CACNB2: variants seen among roughly 807,000 people sequenced by gnomAD.
CACNB2 encodes the protein voltage-dependent L-type calcium channel subunit beta-2.
Under a neutral mutation model 73.3 loss-of-function variants are expected in CACNB2, and 42 were observed. The observed-to-expected ratio is 0.57, with a 90% CI of 0.45 to 0.74. CACNB2 has a LOEUF of 0.74. CACNB2 is among the 30% of genes least tolerant of loss of function. The pLI, the probability that CACNB2 is intolerant of heterozygous loss-of-function variation, is 0.00. For synonymous variants in CACNB2, 348 were observed against 310.3 expected (o/e 1.12, Z -1.28); for missense variants, 940 against 853.0 (o/e 1.10, Z -1.27).
intron 3 of CACNB2, among the ~76,000 whole-genome samples, chr10:18,436,941 A>G (rs557223307): frequency 1.3e-5 from 2 of 152,376 alleles, no homozygotes; most frequent in South Asian, 4.1e-4. Context: ...TGCAAGAAGT[A>G]CATTTTCCAT....
chr10:18,400,111 T>G (rs2132519764), intron 2 of CACNB2, among the ~76,000 whole-genome samples: 1 of 152,374 alleles, frequency 6.6e-6, no homozygotes, highest in East Asian at 1.9e-4. Context: ...CTCAACGCTT[T>G]ATAAAGCGGT....
intron 9 of CACNB2, among the ~76,000 whole-genome samples, chr10:18,522,826 C>T (rs1329013435): frequency 7.6e-6 from 1 of 131,686 alleles, no homozygotes; most frequent in African/African-American, 3.0e-5. Context: ...TGCAGTGAGC[C>T]GAGATCGTGC....
chr10:18,191,827 T>C (rs1249479102), intron 2 of CACNB2, among the ~76,000 whole-genome samples: 1 of 152,238 alleles, frequency 6.6e-6, no homozygotes, highest in Non-Finnish European at 1.5e-5. Flanking sequence ...AGTTTTTTTA[T>C]GCACTCATTG....
chr10:18,465,822 C>T (rs1441088958), intron 3 of CACNB2, among the ~76,000 whole-genome samples: 2 of 151,948 alleles, frequency 1.3e-5, no homozygotes, highest in Non-Finnish European at 2.9e-5. Context: ...GCTGGGATTA[C>T]AGCATCCACC....
chr10:18,518,076 C>G lies in CACNB2; in HGVS notation c.805-260C>G, dbSNP rs577194354. Among the ~76,000 whole-genome samples, 11 of 152,292 alleles carry G rather than the reference C, an allele frequency of 7.2e-5. No homozygotes were observed. In the East Asian group the frequency reaches 1.9e-3, roughly 27 times the overall value. On this transcript the variant is annotated intron_variant, in intron 7 of 13. Transcript: ENST00000324631. ...ACTAGTTTTTGTTCAAAAGCAGCAT[C>G]TCTTGCTTTAGGAACGAATAGGTCT...
intron 2 of CACNB2, among the ~76,000 whole-genome samples, chr10:18,382,692 A>G (rs1357127952): frequency 6.6e-6 from 1 of 152,170 alleles, no homozygotes; most frequent in African/African-American, 2.4e-5. Flanking sequence ...TTCTAGCTCC[A>G]TCCATGTCCC....
intron 2 of CACNB2, among the ~76,000 whole-genome samples, chr10:18,170,189 C>T (rs2033131098): frequency 6.6e-6 from 1 of 152,206 alleles, no homozygotes. Context: ...CAACTCCACA[C>T]AAGGCTAAGA....
chr10:18,466,294 G>A, intron 3 of CACNB2, among the ~76,000 whole-genome samples: 1 of 152,142 alleles, frequency 6.6e-6, no homozygotes, highest in Non-Finnish European at 1.5e-5. Flanking sequence ...AGAGTGCAGT[G>A]ACATGATCAT....
intron 3 of CACNB2, among the ~76,000 whole-genome samples, chr10:18,462,108 C>A (rs765094196): frequency 3.3e-5 from 5 of 152,168 alleles, no homozygotes; most frequent in Admixed American, 6.5e-5. Flanking sequence ...AGATTCCCAG[C>A]AGTCTTGATT....
At chr10:18,219,772 ATTT>A (rs55812855) in intron 2 of CACNB2, among the ~76,000 whole-genome samples, 47 of 137,518 alleles carry the variant, frequency 3.4e-4, no homozygotes, top group African/African-American at 8.3e-4. Context: ...CAAATCTTTC[ATTT>A]TTTTTTTTTT....
At chr10:18,273,119 T>C (rs2038127364) in intron 2 of CACNB2, among the ~76,000 whole-genome samples, 1 of 152,194 alleles carries the variant, frequency 6.6e-6, no homozygotes, top group Admixed American at 6.5e-5. Flanking sequence ...TCTGAGAATT[T>C]CAGTATTGGG....
At chr10:18,242,442 T>C (rs2036693417) in intron 2 of CACNB2, among the ~76,000 whole-genome samples, 1 of 152,220 alleles carries the variant, frequency 6.6e-6, no homozygotes, top group South Asian at 2.1e-4. Context: ...AAGGTCTTTC[T>C]TAGTTTTGAT....
chr10:18,439,326 C>G (rs1298712389), intron 3 of CACNB2, among the ~76,000 whole-genome samples: 3 of 152,204 alleles, frequency 2.0e-5, no homozygotes, highest in Non-Finnish European at 2.9e-5. Context: ...AACTCACCAT[C>G]TCCAGCAGTA....
intron 1 of CACNB2, among the ~76,000 whole-genome samples, chr10:18,142,436 T>C (rs1000476854): frequency 2.0e-5 from 3 of 152,220 alleles, no homozygotes; most frequent in Non-Finnish European, 4.4e-5. Flanking sequence ...TCTAGACTCC[T>C]GATTTTTATC....
At chr10:18,151,991 G>T (rs1165580135) in intron 2 of CACNB2, among the ~76,000 whole-genome samples, 2 of 152,112 alleles carry the variant, frequency 1.3e-5, no homozygotes, top group African/African-American at 4.8e-5. Flanking sequence ...AATCCTATAT[G>T]ACCTTTTGGG....
At chr10:18,219,794 G>C (rs2035657418) in intron 2 of CACNB2, among the ~76,000 whole-genome samples, 1 of 147,466 alleles carries the variant, frequency 6.8e-6, no homozygotes, top group Non-Finnish European at 1.5e-5. Context: ...TTTTGAGACA[G>C]AGTCTCACTC....
At chr10:18,140,969 C>G (rs937974794) in intron 1 of CACNB2, 113 bp downstream of exon 1, 183 of 1,518,646 alleles carry the variant, frequency 1.2e-4, no homozygotes, top group Middle Eastern at 9.5e-4. Flanking sequence ...ACCTCCTCCC[C>G]TCGTCGCCTG....
intron 12 of CACNB2, 59 bp downstream of exon 12, chr10:18,536,255 T>TTTTTTTC: frequency 1.5e-6 from 1 of 648,150 alleles, no homozygotes; most frequent in South Asian, 1.7e-5. Context: ...TTTTTTTTTT[T>TTTTTTTC]TTTTTTTTTT....
chr10:18,451,332 G>T (rs2047011826), intron 3 of CACNB2, among the ~76,000 whole-genome samples: 1 of 152,188 alleles, frequency 6.6e-6, no homozygotes, highest in Non-Finnish European at 1.5e-5. Context: ...GAAGCATAGT[G>T]GTGTGTCTCG....
Sources: allele counts gnomAD v4.1 joint callset (sites outside exome capture counted in the v4.1 genomes callset), GRCh38; gene constraint gnomAD v4.1.1; transcripts MANE v1.5; gene names NCBI Gene and HGNC (gene_info 2026-07-23, HGNC 2026-07-21).